The following ITPR2 variants were observed in gnomAD, a reference collection of about 807,000 sequenced individuals.
ITPR2 encodes the protein inositol 1,4,5-trisphosphate receptor type 2.
In ITPR2, 207 loss-of-function variants were observed where a neutral mutation model predicts 317.1. The observed-to-expected ratio is 0.65, with a 90% CI of 0.58 to 0.73. The LOEUF is 0.73. ITPR2 is among the 30% of genes least tolerant of loss of function. ITPR2 has a pLI of 0.00. For synonymous variants in ITPR2, 1,156 were observed against 1,149.1 expected (o/e 1.01, Z -0.12); for missense variants, 2,613 against 3,284.0 (o/e 0.80, Z 4.99).
chr12:26,468,057 G>A (rs1942210964), intron 45 of ITPR2, among the ~76,000 whole-genome samples: 1 of 152,126 alleles, frequency 6.6e-6, no homozygotes, highest in East Asian at 1.9e-4. Flanking sequence ...ATGATATATA[G>A]CACAACCTAG....
rs1448426086 is a variant in ITPR2 at position 26,353,602 on chromosome 12, T to C, written c.7858-13274A>G. On this transcript the variant is annotated intron_variant, in intron 55 of 56. Coordinates refer to ENST00000381340, the MANE Select transcript of ITPR2 (RefSeq NM_002223.4). ...TGCTGAGGTTCAAATAATACAACCA[T>C]TTTGTGCTTTAGTCATAAACAATAA... Among the ~76,000 whole-genome samples, 3 of 152,214 alleles carry C rather than the reference T, an allele frequency of 2.0e-5. No homozygotes were observed. In the East Asian group the frequency reaches 5.8e-4, roughly 29 times the overall value.
chr12:26,601,897 A>G (rs1200669572), intron 28 of ITPR2, among the ~76,000 whole-genome samples: 1 of 152,198 alleles, frequency 6.6e-6, no homozygotes, highest in Non-Finnish European at 1.5e-5. Context: ...CACTCCGGTT[A>G]TGTCCCTGCC....
At chr12:26,360,491 T>C (rs545671013) in intron 55 of ITPR2, among the ~76,000 whole-genome samples, 3 of 152,362 alleles carry the variant, frequency 2.0e-5, no homozygotes, top group East Asian at 3.9e-4. Flanking sequence ...TACTTTGTGC[T>C]TGAAAATTAG....
chr12:26,484,820 T>A (rs2136843820), intron 41 of ITPR2, among the ~76,000 whole-genome samples: 1 of 152,222 alleles, frequency 6.6e-6, no homozygotes. Context: ...CACGCCATTC[T>A]CCTGCCTCAG....
intron 26 of ITPR2, among the ~76,000 whole-genome samples, chr12:26,607,847 G>C (rs963429430): frequency 4.6e-5 from 7 of 152,264 alleles, no homozygotes; most frequent in African/African-American, 1.7e-4. Context: ...TTGGGAGGCC[G>C]AGGCAGGCGG....
At chr12:26,500,551 G>A (rs977856802) in intron 37 of ITPR2, among the ~76,000 whole-genome samples, 1 of 152,162 alleles carries the variant, frequency 6.6e-6, no homozygotes, top group African/African-American at 2.4e-5. Context: ...ATGTCTTCAT[G>A]TGAACACATC....
chr12:26,678,603 T>C (rs1565686625), intron 13 of ITPR2, among the ~76,000 whole-genome samples: 1 of 152,242 alleles, frequency 6.6e-6, no homozygotes, highest in Non-Finnish European at 1.5e-5. Context: ...TCTACCTTAC[T>C]GACAGGCAGC....
intron 21 of ITPR2, among the ~76,000 whole-genome samples, chr12:26,653,237 C>CTT (rs1947295449): frequency 7.6e-6 from 1 of 132,210 alleles, no homozygotes; most frequent in Non-Finnish European, 1.6e-5. Flanking sequence ...TTCCTTGAAT[C>CTT]TTTCTTTTTT....
chr12:26,494,409 T>C, intron 38 of ITPR2, 69 bp from the exon 39 acceptor site: 1 of 947,628 alleles, frequency 1.1e-6, no homozygotes, highest in East Asian at 3.1e-5. Context: ...GTTTTCAAAT[T>C]CTTAAATTTT....
At position 26,782,045 on chromosome 12, in the gene ITPR2, G is replaced by T. The variant is rs1210480786; in HGVS notation, c.163+8112C>A. Among the ~76,000 whole-genome samples the T allele has an allele frequency of 2.5e-3, 162 of 65,212 alleles. 2 individuals carry two copies. The highest frequency in any genetic ancestry group is 6.0e-3 in the Middle Eastern group (1 of 166). 42.8% of individuals were successfully genotyped at this position (65,212 alleles called of 152,430 possible). The stretch of plus-strand genomic sequence containing the variant: ...ATATATATATATATGTATAGAGAGA[G>T]AGAGAGAGAGAGAGAGAGAGAGAGA... On this transcript the variant is annotated intron_variant, in intron 2 of 56. Transcript: ENST00000381340.
chr12:26,516,300 A>AGGAAAGGAAG lies in ITPR2; in HGVS notation c.5074-21041_5074-21040insCTTCCTTTCC, dbSNP rs1943508344. ...GGGAAGGGAAGGGAAAGGAAAGGAAAGGAAAGGAAAGGAAAGGAAAGGAAA... is the reference window on the plus strand; with the variant it reads ...GGGAAGGGAAGGGAAAGGAAAGGAAAGGAAAGGAAGGGAAAGGAAAGGAAAGGAAAGGAAA... On this transcript the variant is annotated intron_variant, in intron 37 of 56. Transcript: ENST00000381340. Among the ~76,000 whole-genome samples, 76 of 67,400 alleles carry AGGAAAGGAAG rather than the reference A, an allele frequency of 1.1e-3. 4 individuals carry two copies. Among genetic ancestry groups the AGGAAAGGAAG allele is most frequent in the South Asian group, 6.3e-3 (10 of 1,594 alleles). The allele number at this position is 67,400 out of a possible 152,430, so 44.2% of individuals were successfully genotyped here.
chr12:26,391,556 C>CTTTTTT (rs1555117374), intron 54 of ITPR2, among the ~76,000 whole-genome samples: 23 of 98,584 alleles, frequency 2.3e-4, no homozygotes, highest in African/African-American at 3.9e-4. Flanking sequence ...TCTTCTTTTC[C>CTTTTTT]TTTTTTTTTT....
intron 43 of ITPR2, among the ~76,000 whole-genome samples, chr12:26,480,780 C>T (rs1189189010): frequency 6.6e-6 from 1 of 152,080 alleles, no homozygotes; most frequent in Non-Finnish European, 1.5e-5. Context: ...GAGGAGGTTG[C>T]AGTGAGCCGA....
chr12:26,775,953 T>TATATATATATATATATACATAC (rs1555189738), intron 2 of ITPR2, among the ~76,000 whole-genome samples: 1 of 147,594 alleles, frequency 6.8e-6, no homozygotes, highest in African/African-American at 2.5e-5. Context: ...TATATGTATA[T>TATATATATATATATATACATAC]GTATATCCTA....
At chr12:26,780,052 CT>C (rs35037708) in intron 2 of ITPR2, among the ~76,000 whole-genome samples, 31,082 of 152,182 alleles carry the variant, frequency 0.2, 3,833 homozygotes, top group Non-Finnish European at 0.28. Flanking sequence ...CACTCAGCCT[CT>C]TTCCCCAGCC....
chr12:26,340,359 G>C, intron 55 of ITPR2, 31 bp from the exon 56 acceptor site: 1 of 1,560,150 alleles, frequency 6.4e-7, no homozygotes, highest in Non-Finnish European at 8.7e-7. Flanking sequence ...GCGAACAAGG[G>C]AATAAGTATG....
At chr12:26,715,994 A>G (rs192290408) in intron 6 of ITPR2, 150 bp downstream of exon 6, 1 of 696,392 alleles carries the variant, frequency 1.4e-6, no homozygotes, top group Admixed American at 2.7e-5. Context: ...AAATAGCAAT[A>G]ACTAATCACA....
intron 48 of ITPR2, among the ~76,000 whole-genome samples, chr12:26,435,632 T>C (rs1941332724): frequency 6.6e-6 from 1 of 152,212 alleles, no homozygotes; most frequent in South Asian, 2.1e-4. Context: ...TGGTATAATT[T>C]CTCATTTTTG....
At chr12:26,472,626 G>C (rs1260225219) in intron 45 of ITPR2, among the ~76,000 whole-genome samples, 1 of 151,722 alleles carries the variant, frequency 6.6e-6, no homozygotes, top group Non-Finnish European at 1.5e-5. Flanking sequence ...TCCACTTTTT[G>C]GGCAATTCCA....
Sources: allele counts gnomAD v4.1 joint callset (sites outside exome capture counted in the v4.1 genomes callset), GRCh38; gene constraint gnomAD v4.1.1; transcripts MANE v1.5; gene names NCBI Gene and HGNC (gene_info 2026-07-23, HGNC 2026-07-21).